SALL2: variants seen among roughly 807,000 people sequenced by gnomAD.
The protein encoded by SALL2 is sal-like protein 2.
SALL2 carries 32 observed loss-of-function variants against 58.5 expected under a neutral mutation model. The observed-to-expected ratio is 0.55, with a 90% CI of 0.41 to 0.74. The LOEUF (loss-of-function observed/expected upper bound fraction) is 0.74, where lower values mean the gene tolerates loss of function less well. SALL2 is among the 30% of genes least tolerant of loss of function. The pLI, the probability that SALL2 is intolerant of heterozygous loss-of-function variation, is 0.00. For missense variants in SALL2, 1,201 were observed against 1,268.9 expected (o/e 0.95, Z 0.81); for synonymous variants, 516 against 513.6 (o/e 1.00, Z -0.06).
At position 21,526,328 on chromosome 14, in the gene SALL2, G is replaced by A; in HGVS notation, c.-201C>T. The A allele has an allele frequency of 7.0e-7, 1 of 1,431,854 alleles. No homozygotes were observed. The highest frequency in any genetic ancestry group is 9.1e-7 in the Non-Finnish European group (1 of 1,097,758). The allele number at this position is 1,431,854 out of a possible 1,614,324, so 88.7% of individuals were successfully genotyped here. A position where few individuals can be genotyped will look rare whatever the true frequency, so the allele number is the denominator to read the frequency against. ...GGCGGGGAGAAGCTGGAGTGAGAAA[G>A]CGGGGAGAGGGGAGATCTGGGAGGA... On this transcript the variant is annotated 5_prime_UTR_variant, in exon 1 of 2. Coordinates refer to ENST00000537235, the MANE Select transcript of SALL2 (RefSeq NM_001364564.1).
At chr14:21,536,535 A>G (rs560376663) in intron 1 of SALL2, among the ~76,000 whole-genome samples, 1 of 152,348 alleles carries the variant, frequency 6.6e-6, no homozygotes, top group East Asian at 1.9e-4. Flanking sequence ...TTACTTAGCA[A>G]CGGCACAAAG....
At chr14:21,536,676 C>T (rs905309715) in intron 1 of SALL2, among the ~76,000 whole-genome samples, 1 of 152,224 alleles carries the variant, frequency 6.6e-6, no homozygotes, top group African/African-American at 2.4e-5. Context: ...ACAAGCGGGG[C>T]TTCTCCCCAG....
Position 21,524,186 on chromosome 14 carries a change from C to T in SALL2, c.1536G>A (p.Met512Ile). 1 of 1,612,404 alleles carries T rather than the reference C, an allele frequency of 6.2e-7. No homozygotes were observed. The highest frequency in any genetic ancestry group is 8.5e-7 in the Non-Finnish European group (1 of 1,179,134). The change falls in exon 2 of 2, where the codon ATG becomes ATA. Residue 512 changes from methionine to isoleucine, a missense_variant. By Grantham distance (10) the Met-to-Ile change is conservative. Coordinates refer to ENST00000537235, the MANE Select transcript of SALL2 (RefSeq NM_001364564.1). ...GLPAFNKFVLMKAVEPKNKAD... is the reference protein window; with the variant it reads ...GLPAFNKFVLIKAVEPKNKAD... ...CTTTATTCTTGGGTTCCACTGCTTT[C>T]ATGAGCACAAACTTATTGAAAGCAG... is the stretch of plus-strand genomic sequence containing the variant.
intron 1 of SALL2, among the ~76,000 whole-genome samples, chr14:21,532,654 A>T (rs144111913): frequency 0.011 from 1,614 of 151,668 alleles, 34 homozygotes; most frequent in South Asian, 0.075. Context: ...AAAGAAAAAA[A>T]TTTTTTTTGT....
chr14:21,527,353 G>A (rs890297847), upstream of SALL2, among the ~76,000 whole-genome samples: 1 of 152,220 alleles, frequency 6.6e-6, no homozygotes, highest in East Asian at 1.9e-4. Context: ...GACAGGATAA[G>A]TAAGAATAAA....
intron 1 of SALL2, among the ~76,000 whole-genome samples, chr14:21,536,565 CCTGAGGAGAAAACT>C (rs1176826850): frequency 2.0e-5 from 3 of 152,196 alleles, no homozygotes; most frequent in African/African-American, 7.2e-5. Flanking sequence ...CAAAGGGAGA[CCTGAGGAGAAAACT>C]CTTGGGTGGG....
At position 21,523,533 on chromosome 14, in the gene SALL2, G is replaced by A; in HGVS notation, c.2189C>T (p.Ala730Val). The change falls in exon 2 of 2, where the codon GCT (alanine) becomes GTT (valine). Residue 730 changes from alanine to valine, a missense_variant. By Grantham distance (64) the Ala-to-Val change is moderately conservative. This residue lies in a region of SALL2 where 675 missense variants were observed against 683.8 expected (regional missense o/e 0.99). Coordinates refer to ENST00000537235, the MANE Select transcript of SALL2 (RefSeq NM_001364564.1). The surrounding 1 kb of genome is among the most constrained non-coding windows in gnomAD (Gnocchi z 4.4). ...AGATTGCTCGGAGCCATTCTCCTGA[G>A]CAGCTCCTCCACCTTCAGGGAGTGC... ...GTALPEGGGA[A>V]QENGSEQSTV... 1.2e-6 allele frequency: 2 copies of A among 1,614,194 alleles called. No homozygotes were observed. The highest frequency in any genetic ancestry group is 1.7e-6 in the Non-Finnish European group (2 of 1,180,044).
At chr14:21,535,736 CT>C (rs1418981766) in intron 1 of SALL2, among the ~76,000 whole-genome samples, 2 of 152,186 alleles carry the variant, frequency 1.3e-5, no homozygotes, top group African/African-American at 4.8e-5. Context: ...CTATACTATA[CT>C]GTTGGGTGTA....
At chr14:21,533,946 A>G (rs570074212) in intron 1 of SALL2, among the ~76,000 whole-genome samples, 41 of 152,298 alleles carry the variant, frequency 2.7e-4, no homozygotes, top group African/African-American at 9.6e-4. Flanking sequence ...ACACCAAAGG[A>G]TACATGTGCC....
In SALL2 at chr14:21,522,321, G is replaced by A; in HGVS notation, c.*383C>T. ...GAGGAGTGGCACTGGGCCCTCCAGAGACAGCTGCCAGCCCTTTTTGGCTAG... is the reference window on the plus strand; with the variant it reads ...GAGGAGTGGCACTGGGCCCTCCAGAAACAGCTGCCAGCCCTTTTTGGCTAG... On this transcript the variant is annotated 3_prime_UTR_variant, in exon 2 of 2. Transcript: ENST00000537235. 1.4e-6 allele frequency: 2 copies of A among 1,478,770 alleles called. No individual in the cohort carries two copies. Among genetic ancestry groups the A allele is most frequent in the Non-Finnish European group, 1.8e-6 (2 of 1,115,794 alleles). The allele number at this position is 1,478,770 out of a possible 1,614,324, so 91.6% of individuals were successfully genotyped here. A position where few individuals can be genotyped will look rare whatever the true frequency, so the allele number is the denominator to read the frequency against.
Position 21,524,086 on chromosome 14 carries a change from T to G in SALL2, c.1636A>C (p.Met546Leu). 6.2e-7 allele frequency: 1 copy of G among 1,614,136 alleles called. No homozygotes were observed. The highest frequency in any genetic ancestry group is 1.7e-5 in the Admixed American group (1 of 60,028). ...GVAESSTATR[M>L]QLSKLVTSLP... is the part of the protein sequence containing the mutation. ...GAAGTCACCAACTTACTTAGTTGCATGCGAGTTGCCGTGCTACTTTCTGCC... is the reference window on the plus strand; with the variant it reads ...GAAGTCACCAACTTACTTAGTTGCAGGCGAGTTGCCGTGCTACTTTCTGCC... Residue 546 changes from methionine to leucine, a missense_variant, in exon 2 of 2, where the codon ATG (methionine) becomes CTG (leucine). Coordinates refer to ENST00000537235, the MANE Select transcript of SALL2 (RefSeq NM_001364564.1).
At chr14:21,527,143 G>A (rs543647189), upstream of SALL2, among the ~76,000 whole-genome samples, 11 of 152,310 alleles carry the variant, frequency 7.2e-5, no homozygotes, top group African/African-American at 2.4e-4. Flanking sequence ...AAGACAGTGG[G>A]TTTGGGGAGA....
Position 21,532,155 on chromosome 14 carries a change from AG to A in SALL2, c.-114+4806del, listed in dbSNP as rs796921401. Among the ~76,000 whole-genome samples the A allele has an allele frequency of 4.8e-4, 73 of 152,342 alleles. 1 individual carries two copies. The highest frequency in any genetic ancestry group is 1.7e-3 in the African/African-American group (70 of 41,584). On this transcript the variant is annotated intron_variant, in intron 1 of 1. Coordinates refer to the SALL2 transcript ENST00000541965. ...AAATTTGACTTTAATTGAGAAAAAA[AG>A]AGAAAACATACTAAGTGCAATAAAG...
rs745876090 is a variant in SALL2 at position 21,525,446 on chromosome 14, T to C, written c.276A>G (p.Thr92=). The stretch of plus-strand genomic sequence containing the variant: ...CAGAATCTGGGGGGTTGCTATGCTC[T>C]GTGTCCATGACCTGAGGATTATTGT... ...EGHNNPQVMD[T]EHSNPPDSGS... The change falls in exon 2 of 2, where the codon ACA becomes ACG. Residue 92 remains threonine (T), a synonymous_variant. Coordinates refer to ENST00000537235, the MANE Select transcript of SALL2 (RefSeq NM_001364564.1). The surrounding 1 kb of genome is among the most constrained non-coding windows in gnomAD (Gnocchi z 4.4). 1 of 1,613,840 alleles carries C rather than the reference T, an allele frequency of 6.2e-7. No homozygotes were observed. The highest frequency in any genetic ancestry group is 2.2e-5 in the East Asian group (1 of 44,862).
Position 21,522,578 on chromosome 14 carries a change from C to G in SALL2, c.*126G>C, listed in dbSNP as rs891809769. On this transcript the variant is annotated 3_prime_UTR_variant, in exon 2 of 2. Coordinates refer to ENST00000537235, the MANE Select transcript of SALL2 (RefSeq NM_001364564.1). ...AAGCTCAGGGACTACAGAAAAGCCA[C>G]TAGGGACATAACATGTTAAGAACTT... The G allele has an allele frequency of 7.0e-7, 1 of 1,421,762 alleles. No homozygotes were observed. Among genetic ancestry groups the G allele is most frequent in the Non-Finnish European group, 9.2e-7 (1 of 1,090,148 alleles). The allele number at this position is 1,421,762 out of a possible 1,614,324, so 88.1% of individuals were successfully genotyped here. A position where few individuals can be genotyped will look rare whatever the true frequency, so the allele number is the denominator to read the frequency against.
Position 21,525,230 on chromosome 14 carries a change from G to A in SALL2, c.492C>T (p.Pro164=), listed in dbSNP as rs368355578. 5.6e-6 allele frequency: 9 copies of A among 1,612,560 alleles called. No individual in the cohort carries two copies. Among genetic ancestry groups the A allele is most frequent in the Non-Finnish European group, 7.6e-6 (9 of 1,179,140 alleles). Residue 164 remains proline, a synonymous_variant, in exon 2 of 2, where the codon CCC becomes CCT. Coordinates refer to ENST00000537235, the MANE Select transcript of SALL2 (RefSeq NM_001364564.1). The surrounding 1 kb of genome is among the most constrained non-coding windows in gnomAD (Gnocchi z 4.4). The part of the protein sequence containing the change: ...STPAPPPPPP[P]PPPPGVGSGH... ...CACTGCCTACCCCTGGGGGCGGAGG[G>A]GGTGGTGGAGGAGGAGGGGGTGCAG...
upstream of SALL2, chr14:21,526,413 G>A: frequency 7.3e-7 from 1 of 1,368,342 alleles, no homozygotes; most frequent in Non-Finnish European, 9.4e-7. Flanking sequence ...GGAGCTAGAG[G>A]AGGCGGGAGA....
chr14:21,527,595 T>C (rs540736036), upstream of SALL2, among the ~76,000 whole-genome samples: 8 of 152,306 alleles, frequency 5.3e-5, no homozygotes, highest in African/African-American at 1.9e-4. Flanking sequence ...TATACCACCG[T>C]TTCCCTCTTC....
upstream of SALL2, among the ~76,000 whole-genome samples, chr14:21,528,880 A>T (rs1358136443): frequency 6.6e-6 from 1 of 152,190 alleles, no homozygotes; most frequent in Non-Finnish European, 1.5e-5. Flanking sequence ...TCTACTGAGC[A>T]TTTGTTAATT....
Sources: gnomAD v4.1 joint callset for allele counts (sites outside exome capture counted in the v4.1 genomes callset) on GRCh38, gnomAD v4.1.1 for gene constraint, gnomAD v4.1.1 regional missense constraint, Gnocchi (gnomAD v3.1) non-coding constraint, MANE v1.5 for transcripts, NCBI Gene and HGNC (gene_info 2026-07-23, HGNC 2026-07-21) for gene names.